The following FCER1G variants were observed in gnomAD, a reference collection of about 807,000 sequenced individuals.
The protein encoded by FCER1G is high affinity immunoglobulin epsilon receptor subunit gamma.
Under a neutral mutation model 17.3 loss-of-function variants are expected in FCER1G, and 7 were observed. The observed-to-expected ratio is 0.40, with a 90% CI of 0.23 to 0.76. The LOEUF (loss-of-function observed/expected upper bound fraction) is 0.76, where lower values mean the gene tolerates loss of function less well. Ranked by LOEUF, FCER1G falls within the 30% of genes least tolerant of loss-of-function variation. FCER1G has a pLI of 0.35. For missense variants in FCER1G, 87 were observed against 97.7 expected, an observed-to-expected ratio of 0.89 and a Z score of 0.46; for synonymous variants, 35 against 38.7, an observed-to-expected ratio of 0.90 and a Z score of 0.35.
intron 1 of FCER1G, among the ~76,000 whole-genome samples, chr1:161,216,592 G>C (rs1666060501): frequency 6.6e-6 from 1 of 152,120 alleles, no homozygotes; most frequent in South Asian, 2.1e-4. Context: ...AGGGTGGGCA[G>C]CATGAGATCC....
rs1666113603 is a variant in FCER1G at position 161,219,189 on chromosome 1, C to CAA, written c.*247_*248dup. On this transcript the variant is annotated 3_prime_UTR_variant, in exon 5 of 5. Coordinates refer to ENST00000289902, the MANE Select transcript of FCER1G (RefSeq NM_004106.2). ...CCACCCTTCTTCTCTTCCCCATTCC[C>CAA]AACTCCAGCTAAAATATGGGAAGGG... The CAA allele has an allele frequency of 3.8e-6, 2 of 527,336 alleles. No homozygotes were observed. Among genetic ancestry groups the CAA allele is most frequent in the South Asian group, 4.9e-5 (2 of 41,020 alleles). 32.7% of individuals were successfully genotyped at this position (527,336 alleles called of 1,614,324 possible). A position where few individuals can be genotyped will look rare whatever the true frequency, so the allele number is the denominator to read the frequency against.
Position 161,218,729 on chromosome 1 carries a change from T to G in FCER1G, c.198+6T>G. The G allele has an allele frequency of 6.2e-7, 1 of 1,613,900 alleles. No individual in the cohort carries two copies. The highest frequency in any genetic ancestry group is 2.2e-5 in the East Asian group (1 of 44,876). ...AATCAGATGGTGTTTACACGGTAAG[T>G]GTGCCTACCTCCCCCACCCAGGAAG... is the stretch of plus-strand genomic sequence containing the variant. On this transcript the variant is annotated splice_donor_region_variant and intron_variant, in intron 4 of 4. Coordinates refer to ENST00000289902, the MANE Select transcript of FCER1G (RefSeq NM_004106.2).
intron 1 of FCER1G, among the ~76,000 whole-genome samples, chr1:161,215,995 T>A (rs1666032659): frequency 6.6e-6 from 1 of 152,136 alleles, no homozygotes; most frequent in Non-Finnish European, 1.5e-5. Flanking sequence ...AAAGTGCTAC[T>A]GTGCCTGGCT....
Position 161,218,598 on chromosome 1 carries a change from A to G in FCER1G, c.178-105A>G, listed in dbSNP as rs1165892038. 10 of 1,181,912 alleles carry G rather than the reference A, an allele frequency of 8.5e-6. No homozygotes were observed. The Admixed American group carries it at 1.5e-4, about 18-fold the overall frequency. 73.2% of individuals were successfully genotyped at this position (1,181,912 alleles called of 1,614,324 possible). On this transcript the variant is annotated intron_variant, in intron 3 of 4. Coordinates refer to ENST00000289902, the MANE Select transcript of FCER1G (RefSeq NM_004106.2). ...GTCCATGTGAGTGCCCTCTAGCCCA[A>G]GGTGGCTGGCTGCCCACCCCCCATG...
chr1:161,217,276 G>A (rs767974161), intron 1 of FCER1G, among the ~76,000 whole-genome samples: 2 of 151,994 alleles, frequency 1.3e-5, no homozygotes, highest in Non-Finnish European at 2.9e-5. Flanking sequence ...CCCAGAGAGT[G>A]AGTAATAGGG....
intron 1 of FCER1G, among the ~76,000 whole-genome samples, chr1:161,216,349 T>A (rs1327092803): frequency 2.7e-5 from 4 of 148,570 alleles, no homozygotes; most frequent in African/African-American, 1.0e-4. Flanking sequence ...TATCTCTATC[T>A]ATCTATCTAT....
In FCER1G at chr1:161,217,606, TAC is replaced by T. The variant is rs1181324345; in HGVS notation, c.50-379_50-378del. Among the ~76,000 whole-genome samples the T allele has an allele frequency of 2.0e-5, 3 of 152,022 alleles. No individual in the cohort carries two copies. The East Asian group carries it at 5.8e-4, about 29-fold the overall frequency. On this transcript the variant is annotated intron_variant, in intron 1 of 4. Coordinates refer to ENST00000289902, the MANE Select transcript of FCER1G (RefSeq NM_004106.2). ...ATTTGCCACTACCTCTCCCTCCCAC[TAC>T]CCATCTTGGCTGAGGTTTTGGTTTC...
intron 3 of FCER1G, 80 bp from the exon 4 acceptor site, chr1:161,218,623 G>C (rs1039291063): frequency 3.3e-6 from 5 of 1,499,848 alleles, no homozygotes; most frequent in Admixed American, 1.7e-5. Context: ...CACCCCCCAT[G>C]CCTCCCTGGG....
chr1:161,218,812 G>A (rs944396497), intron 4 of FCER1G, 69 bp from the exon 5 acceptor site: 16 of 1,573,048 alleles, frequency 1.0e-5, no homozygotes, highest in Admixed American at 1.7e-5. Context: ...GGGGAGGGGG[G>A]TCCTGTGGAG....
intron 1 of FCER1G, among the ~76,000 whole-genome samples, chr1:161,216,733 G>GGT (rs1180110723): frequency 6.6e-6 from 1 of 152,062 alleles, no homozygotes; most frequent in Admixed American, 6.6e-5. Context: ...GTGCTGGATT[G>GGT]GTGTGTGTGT....
intron 3 of FCER1G, 25 bp from the exon 4 acceptor site, chr1:161,218,678 T>C (rs565212327): frequency 5.1e-5 from 82 of 1,613,654 alleles, no homozygotes; most frequent in Non-Finnish European, 6.8e-5. Context: ...GGGTCTTTAA[T>C]GTTTTGCTTC....
At chr1:161,215,717 C>T (rs1224075756) in intron 1 of FCER1G, among the ~76,000 whole-genome samples, 1 of 152,012 alleles carries the variant, frequency 6.6e-6, no homozygotes, top group East Asian at 1.9e-4. Flanking sequence ...CTCAGGCTCC[C>T]GAGTAGCTGG....
At position 161,218,292 on chromosome 1, in the gene FCER1G, C is replaced by T. The variant is rs759842716; in HGVS notation, c.177+16C>T. 5.0e-6 allele frequency: 8 copies of T among 1,610,324 alleles called. No individual in the cohort carries two copies. The highest frequency in any genetic ancestry group is 1.7e-5 in the Admixed American group (1 of 60,010). On this transcript the variant is annotated intron_variant, in intron 3 of 4. Coordinates refer to ENST00000289902, the MANE Select transcript of FCER1G (RefSeq NM_004106.2). ...CAGCTATGAGGTATGGACCCTCCTA[C>T]ACCTGGTGTGGACAACTTTTCAGAC...
At position 161,218,742 on chromosome 1, in the gene FCER1G, C is replaced by T. The variant is rs1178378900; in HGVS notation, c.198+19C>T. On this transcript the variant is annotated intron_variant, in intron 4 of 4. Transcript: ENST00000289902. The stretch of plus-strand genomic sequence containing the variant: ...TTACACGGTAAGTGTGCCTACCTCC[C>T]CCACCCAGGAAGTCAGCAGAAGAGG... 2 of 1,613,372 alleles carry T rather than the reference C, an allele frequency of 1.2e-6. No individual in the cohort carries two copies. Among genetic ancestry groups the T allele is most frequent in the South Asian group, 1.1e-5 (1 of 91,062 alleles).
intron 1 of FCER1G, among the ~76,000 whole-genome samples, chr1:161,216,256 G>C (rs1297586710): frequency 1.3e-5 from 2 of 150,930 alleles, no homozygotes; most frequent in East Asian, 3.9e-4. Context: ...AGGTTGCAGT[G>C]AGCCAAGATC....
chr1:161,218,663 A>T, intron 3 of FCER1G, 40 bp from the exon 4 acceptor site: 1 of 1,613,206 alleles, frequency 6.2e-7, no homozygotes, highest in Non-Finnish European at 8.5e-7. Flanking sequence ...CCCTGGAGAA[A>T]GTGTGGGTCT....
chr1:161,215,470 CAG>C, intron 1 of FCER1G, 100 bp downstream of exon 1: 2 of 1,082,290 alleles, frequency 1.8e-6, no homozygotes, highest in Admixed American at 3.4e-5. Flanking sequence ...GGAAGGCTGA[CAG>C]TGGGTAGGTG....
At chr1:161,215,433 CTGAGGGCCAAGTCAA>C (rs1666012727) in intron 1 of FCER1G, 63 bp downstream of exon 1, 7 of 1,454,668 alleles carry the variant, frequency 4.8e-6, no homozygotes, top group Non-Finnish European at 6.8e-6. Context: ...GAGCTTGGGT[CTGAGGGCCAAGTCAA>C]ACACAGGTGA....
At chr1:161,215,939 G>A (rs114495062) in intron 1 of FCER1G, among the ~76,000 whole-genome samples, 1 of 151,726 alleles carries the variant, frequency 6.6e-6, no homozygotes, top group South Asian at 2.1e-4. Flanking sequence ...TGGCCACATC[G>A]GTCTTGAACT....
Sources: allele counts gnomAD v4.1 joint callset (sites outside exome capture counted in the v4.1 genomes callset), GRCh38; gene constraint gnomAD v4.1.1; transcripts MANE v1.5; gene names NCBI Gene and HGNC (gene_info 2026-07-23, HGNC 2026-07-21).